Variants in UNCX observed in about 807,000 individuals in gnomAD.
UNCX encodes homeobox protein unc-4 homolog.
A neutral mutation model predicts 14.8 loss-of-function variants in UNCX; 4 were observed. The observed-to-expected ratio is 0.27, with a 90% CI of 0.13 to 0.62. The LOEUF is 0.62. Ranked by LOEUF, UNCX falls within the 20% of genes least tolerant of loss-of-function variation. The pLI, the probability that UNCX is intolerant of heterozygous loss-of-function variation, is 0.86. For missense variants in UNCX, 749 were observed against 786.8 expected (o/e 0.95, Z 0.58); for synonymous variants, 459 against 395.8 (o/e 1.16, Z -1.90).
At chr7:1,234,750 CA>C (rs35439452) in intron 2 of UNCX, among the ~76,000 whole-genome samples, 1,692 of 119,210 alleles carry the variant, frequency 0.014, 38 homozygotes, top group African/African-American at 0.047. Flanking sequence ...GAATTCGCAC[CA>C]AAAAAAAAAA....
In UNCX at chr7:1,233,418, C is replaced by A. The variant is rs576656207; in HGVS notation, c.275-102C>A. On this transcript the variant is annotated intron_variant, in intron 1 of 2. Coordinates refer to ENST00000316333, the MANE Select transcript of UNCX (RefSeq NM_001080461.3). The surrounding 1 kb of genome is among the most constrained non-coding windows in gnomAD (Gnocchi z 5.3). ...GCTCCTAGGCGGCCGTCTCTGCGCC[C>A]CCCCCCCCGGATCCAGGCGGCCAGC... The A allele has an allele frequency of 6.0e-4, 827 of 1,373,826 alleles. No homozygotes were observed. Among genetic ancestry groups the A allele is most frequent in the Non-Finnish European group, 7.1e-4 (756 of 1,066,280 alleles). 85.1% of individuals were successfully genotyped at this position (1,373,826 alleles called of 1,614,324 possible).
Position 1,236,032 on chromosome 7 carries a change from C to A in UNCX, c.651C>A (p.Arg217=), listed in dbSNP as rs772576678. The A allele has an allele frequency of 2.5e-6, 4 of 1,605,752 alleles. No homozygotes were observed. Among genetic ancestry groups the A allele is most frequent in the Non-Finnish European group, 3.4e-6 (4 of 1,177,232 alleles). The change falls in exon 3 of 3, where the codon CGC becomes CGA. Residue 217 remains arginine (R), a synonymous_variant. Coordinates refer to ENST00000316333, the MANE Select transcript of UNCX (RefSeq NM_001080461.3). The surrounding 1 kb of genome is among the most constrained non-coding windows in gnomAD (Gnocchi z 6.9). ...AGAAGCTGCTGAAGAGCCAGGGCCG[C>A]CACTTGCACTCGCCCGGCGGCCTGT... is the stretch of plus-strand genomic sequence containing the variant. ...HEKKLLKSQG[R]HLHSPGGLSL... is the part of the protein sequence containing the mutation.
rs1778690734 is a variant in UNCX at position 1,233,831 on chromosome 7, T to G, written c.450+136T>G. Reference sequence around the variant, plus strand: ...TTCGCGCTCGCCTGCTGGGGAAGAGTGGAGGGGTGGGGGTTCTGGGGCTCG... The same window carrying G: ...TTCGCGCTCGCCTGCTGGGGAAGAGGGGAGGGGTGGGGGTTCTGGGGCTCG... On this transcript the variant is annotated intron_variant, in intron 2 of 2. Transcript: ENST00000316333. This position sits in a 1 kb window ranked among gnomAD's most constrained non-coding sequence, Gnocchi z 5.3. The G allele has an allele frequency of 1.6e-5, 17 of 1,090,120 alleles. No individual in the cohort carries two copies. The highest frequency in any genetic ancestry group is 8.4e-5 in the African/African-American group (5 of 59,618). 67.5% of individuals were successfully genotyped at this position (1,090,120 alleles called of 1,614,324 possible).
Position 1,236,071 on chromosome 7 carries a change from G to T in UNCX, c.690G>T (p.Ala230=), listed in dbSNP as rs766167512. 58 of 1,579,218 alleles carry T rather than the reference G, an allele frequency of 3.7e-5. No homozygotes were observed. The highest frequency in any genetic ancestry group is 4.4e-5 in the Non-Finnish European group (51 of 1,163,924). ...CCGGCGGCCTGTCCCTGCACAGCGC[G>T]CCCAGCTCCGACAGCGACAGCGGCG... The part of the protein sequence containing the change: ...HSPGGLSLHS[A]PSSDSDSGGG... Residue 230 remains alanine, a synonymous_variant, in exon 3 of 3, where the codon GCG becomes GCT. Transcript: ENST00000316333. The surrounding 1 kb of genome is among the most constrained non-coding windows in gnomAD (Gnocchi z 6.9).
intron 2 of UNCX, among the ~76,000 whole-genome samples, chr7:1,235,436 G>GCT (rs1419664422): frequency 1.6e-3 from 237 of 152,392 alleles, no homozygotes; most frequent in African/African-American, 5.4e-3. Context: ...GCCAGGCCGG[G>GCT]CGGGCTGCTT....
chr7:1,233,481 C>T lies in UNCX; in HGVS notation c.275-39C>T, dbSNP rs747427469. 1.5e-5 allele frequency: 23 copies of T among 1,562,156 alleles called. No individual in the cohort carries two copies. The South Asian group carries it at 1.7e-4, about 12-fold the overall frequency. ...GGAGGGGTGGGGGTCGGGCCTGGGC[C>T]GGTGGCTGAGCCGCGCTGCGTCCTG... On this transcript the variant is annotated intron_variant, in intron 1 of 2. Transcript: ENST00000316333. This position sits in a 1 kb window ranked among gnomAD's most constrained non-coding sequence, Gnocchi z 5.3.
At position 1,232,982 on chromosome 7, in the gene UNCX, C is replaced by A. The variant is rs1447968991; in HGVS notation, c.-36C>A. 9.1e-7 allele frequency: 1 copy of A among 1,100,270 alleles called. No homozygotes were observed. Among genetic ancestry groups the A allele is most frequent in the Non-Finnish European group, 1.1e-6 (1 of 901,846 alleles). 68.2% of individuals were successfully genotyped at this position (1,100,270 alleles called of 1,614,324 possible). On this transcript the variant is annotated 5_prime_UTR_variant, in exon 1 of 3. Transcript: ENST00000316333. Reference sequence around the variant, plus strand: ...GCCCCGGCCCCGGCCCGCGCCCCCGCGCCCCGCCACCGGCCCCGCCGGCCC... The same window carrying A: ...GCCCCGGCCCCGGCCCGCGCCCCCGAGCCCCGCCACCGGCCCCGCCGGCCC...
In UNCX at chr7:1,233,468, G is replaced by T; in HGVS notation, c.275-52G>T. ...CGGGTAGCGGGAGGGAGGGGTGGGGGTCGGGCCTGGGCCGGTGGCTGAGCC... is the reference window on the plus strand; with the variant it reads ...CGGGTAGCGGGAGGGAGGGGTGGGGTTCGGGCCTGGGCCGGTGGCTGAGCC... On this transcript the variant is annotated intron_variant, in intron 1 of 2. Coordinates refer to ENST00000316333, the MANE Select transcript of UNCX (RefSeq NM_001080461.3). The surrounding 1 kb of genome is among the most constrained non-coding windows in gnomAD (Gnocchi z 5.3). The T allele has an allele frequency of 1.3e-6, 2 of 1,493,304 alleles. No homozygotes were observed. Among genetic ancestry groups the T allele is most frequent in the Non-Finnish European group, 1.8e-6 (2 of 1,124,478 alleles). The allele number at this position is 1,493,304 out of a possible 1,614,324, so 92.5% of individuals were successfully genotyped here.
In UNCX at chr7:1,233,221, G is replaced by C; in HGVS notation, c.204G>C (p.Val68=). The change falls in exon 1 of 3, where the codon GTG becomes GTC. Residue 68 remains valine (V), a synonymous_variant. Transcript: ENST00000316333. The surrounding 1 kb of genome is among the most constrained non-coding windows in gnomAD (Gnocchi z 5.3). ...LGGSCAAAAS[V]VNPTPLLPAA... ...GCTCGTGCGCCGCCGCCGCCTCGGT[G>C]GTCAACCCCACGCCGCTGCTGCCAG... 6.9e-7 allele frequency: 1 copy of C among 1,439,558 alleles called. No homozygotes were observed. The highest frequency in any genetic ancestry group is 9.1e-7 in the Non-Finnish European group (1 of 1,099,078). 89.2% of individuals were successfully genotyped at this position (1,439,558 alleles called of 1,614,324 possible).
In UNCX at chr7:1,233,845, T is replaced by C; in HGVS notation, c.450+150T>C. ...CTGGGGAAGAGTGGAGGGGTGGGGGTTCTGGGGCTCGGCCCCTCACGGACA... is the reference window on the plus strand; with the variant it reads ...CTGGGGAAGAGTGGAGGGGTGGGGGCTCTGGGGCTCGGCCCCTCACGGACA... On this transcript the variant is annotated intron_variant, in intron 2 of 2. Coordinates refer to ENST00000316333, the MANE Select transcript of UNCX (RefSeq NM_001080461.3). The surrounding 1 kb of genome is among the most constrained non-coding windows in gnomAD (Gnocchi z 5.3). 2 of 1,040,138 alleles carry C rather than the reference T, an allele frequency of 1.9e-6. No homozygotes were observed. The highest frequency in any genetic ancestry group is 1.8e-5 in the South Asian group (1 of 54,274). 64.4% of individuals were successfully genotyped at this position (1,040,138 alleles called of 1,614,324 possible).
chr7:1,236,047 C>G lies in UNCX; in HGVS notation c.666C>G (p.Pro222=). The stretch of plus-strand genomic sequence containing the variant: ...GCCAGGGCCGCCACTTGCACTCGCC[C>G]GGCGGCCTGTCCCTGCACAGCGCGC... ...LKSQGRHLHS[P]GGLSLHSAPS... Residue 222 remains proline, a synonymous_variant, in exon 3 of 3, where the codon CCC becomes CCG. Transcript: ENST00000316333. The surrounding 1 kb of genome is among the most constrained non-coding windows in gnomAD (Gnocchi z 6.9). 6.2e-7 allele frequency: 1 copy of G among 1,601,922 alleles called. No individual in the cohort carries two copies. Among genetic ancestry groups the G allele is most frequent in the Non-Finnish European group, 8.5e-7 (1 of 1,175,408 alleles).
chr7:1,233,336 C>G lies in UNCX; in HGVS notation c.274+45C>G. 7.9e-7 allele frequency: 1 copy of G among 1,270,962 alleles called. No homozygotes were observed. The highest frequency in any genetic ancestry group is 3.5e-5 in the East Asian group (1 of 28,734). The allele number at this position is 1,270,962 out of a possible 1,614,324, so 78.7% of individuals were successfully genotyped here. On this transcript the variant is annotated intron_variant, in intron 1 of 2. Transcript: ENST00000316333. The surrounding 1 kb of genome is among the most constrained non-coding windows in gnomAD (Gnocchi z 5.3). ...GGGCGGGGAGGAGTGCGGCTGGGGG[C>G]GGGGGCCCTGGTCCGGCCGAGGCGC...
Position 1,233,810 on chromosome 7 carries a change from C to T in UNCX, c.450+115C>T, listed in dbSNP as rs13307100. 1 of 1,305,176 alleles carries T rather than the reference C, an allele frequency of 7.7e-7. No homozygotes were observed. Among genetic ancestry groups the T allele is most frequent in the Non-Finnish European group, 1.0e-6 (1 of 976,794 alleles). The allele number at this position is 1,305,176 out of a possible 1,614,324, so 80.8% of individuals were successfully genotyped here. Reference sequence around the variant, plus strand: ...GTCCCCTTGCCGCGGGCCCGCTTCGCGCTCGCCTGCTGGGGAAGAGTGGAG... The same window carrying T: ...GTCCCCTTGCCGCGGGCCCGCTTCGTGCTCGCCTGCTGGGGAAGAGTGGAG... On this transcript the variant is annotated intron_variant, in intron 2 of 2. Coordinates refer to ENST00000316333, the MANE Select transcript of UNCX (RefSeq NM_001080461.3). The surrounding 1 kb of genome is among the most constrained non-coding windows in gnomAD (Gnocchi z 5.3).
chr7:1,233,133 A>C lies in UNCX; in HGVS notation c.116A>C (p.His39Pro). ...GHHHVYELAGHQLQSAAAAAS... is the reference protein window; with the variant it reads ...GHHHVYELAGPQLQSAAAAAS... The stretch of plus-strand genomic sequence containing the variant: ...CACCACGTGTACGAGCTGGCCGGGC[A>C]CCAGCTGCAGTCGGCCGCCGCCGCC... The change falls in exon 1 of 3, where the codon CAC (histidine) becomes CCC (proline). Residue 39 changes from histidine to proline, a missense_variant. Coordinates refer to ENST00000316333, the MANE Select transcript of UNCX (RefSeq NM_001080461.3). This position sits in a 1 kb window ranked among gnomAD's most constrained non-coding sequence, Gnocchi z 5.3. 1 of 1,463,602 alleles carries C rather than the reference A, an allele frequency of 6.8e-7. No homozygotes were observed. Among genetic ancestry groups the C allele is most frequent in the Middle Eastern group, 2.3e-4 (1 of 4,382 alleles). 90.7% of individuals were successfully genotyped at this position (1,463,602 alleles called of 1,614,324 possible).
chr7:1,237,051 A>G lies in UNCX; in HGVS notation c.*74A>G, dbSNP rs1778762613. The G allele has an allele frequency of 1.9e-6, 2 of 1,034,918 alleles. No individual in the cohort carries two copies. The highest frequency in any genetic ancestry group is 1.7e-5 in the African/African-American group (1 of 58,326). The allele number at this position is 1,034,918 out of a possible 1,614,324, so 64.1% of individuals were successfully genotyped here. A position where few individuals can be genotyped will look rare whatever the true frequency, so the allele number is the denominator to read the frequency against. ...CAGGCTCCGACTCACGCAACGAATC[A>G]GGTGATCGGCTCTAGAAACACTGCT... On this transcript the variant is annotated 3_prime_UTR_variant, in exon 3 of 3. Coordinates refer to ENST00000316333, the MANE Select transcript of UNCX (RefSeq NM_001080461.3). The surrounding 1 kb of genome is among the most constrained non-coding windows in gnomAD (Gnocchi z 5.8).
rs1465178504 is a variant in UNCX, at chr7:1,233,081, G to A, written c.64G>A (p.Val22Met). ...GTTCGGGGGCTCGCTGGGCGGCGTG[G>A]TGGGCTTCCCCTACCCGCTGGGCCA... ...AQFGGSLGGV[V>M]GFPYPLGHHH... is the part of the protein sequence containing the mutation. Residue 22 changes from valine to methionine, a missense_variant, in exon 1 of 3, where the codon GTG (valine) becomes ATG (methionine). Val to Met is a conservative substitution (Grantham distance 21). Transcript: ENST00000316333. This position sits in a 1 kb window ranked among gnomAD's most constrained non-coding sequence, Gnocchi z 5.3. The A allele has an allele frequency of 1.0e-5, 15 of 1,440,062 alleles. No individual in the cohort carries two copies. Among genetic ancestry groups the A allele is most frequent in the African/African-American group, 1.5e-5 (1 of 67,726 alleles). 89.2% of individuals were successfully genotyped at this position (1,440,062 alleles called of 1,614,324 possible). A position where few individuals can be genotyped will look rare whatever the true frequency, so the allele number is the denominator to read the frequency against.
Position 1,236,485 on chromosome 7 carries a change from G to C in UNCX, c.1104G>C (p.Ala368=), listed in dbSNP as rs760904336. 4 of 1,388,256 alleles carry C rather than the reference G, an allele frequency of 2.9e-6. No homozygotes were observed. In the East Asian group the frequency reaches 1.0e-4, roughly 36 times the overall value. 86.0% of individuals were successfully genotyped at this position (1,388,256 alleles called of 1,614,324 possible). ...GLDFAPGLPC[A]PRTLIGKGHF... ...ACTTCGCGCCCGGGCTGCCGTGCGC[G>C]CCGCGGACCCTGATCGGCAAGGGCC... Residue 368 remains alanine (A), a synonymous_variant, in exon 3 of 3, where the codon GCG becomes GCC. Coordinates refer to ENST00000316333, the MANE Select transcript of UNCX (RefSeq NM_001080461.3). The surrounding 1 kb of genome is among the most constrained non-coding windows in gnomAD (Gnocchi z 6.9).
chr7:1,233,715 C>T lies in UNCX; in HGVS notation c.450+20C>T. On this transcript the variant is annotated intron_variant, in intron 2 of 2. Coordinates refer to ENST00000316333, the MANE Select transcript of UNCX (RefSeq NM_001080461.3). This position sits in a 1 kb window ranked among gnomAD's most constrained non-coding sequence, Gnocchi z 5.3. ...GTTCAGGTAAAGACCCGGCGTCGCTCCCGGATCTGCCATCCGGACCCCAGG... is the reference window on the plus strand; with the variant it reads ...GTTCAGGTAAAGACCCGGCGTCGCTTCCGGATCTGCCATCCGGACCCCAGG... 1 of 1,578,488 alleles carries T rather than the reference C, an allele frequency of 6.3e-7. No homozygotes were observed. Among genetic ancestry groups the T allele is most frequent in the South Asian group, 1.1e-5 (1 of 88,558 alleles).
Position 1,232,938 on chromosome 7 carries a change from C to A in UNCX, c.-80C>A, listed in dbSNP as rs1778668534. 2.8e-6 allele frequency: 2 copies of A among 702,850 alleles called. No homozygotes were observed. Among genetic ancestry groups the A allele is most frequent in the Non-Finnish European group, 3.5e-6 (2 of 576,648 alleles). The allele number at this position is 702,850 out of a possible 1,614,324, so 43.5% of individuals were successfully genotyped here. The stretch of plus-strand genomic sequence containing the variant: ...TCCCTGTCTCCGCCGCCGCCGCCCG[C>A]GCCTCCCGCCGCTGGCCCGCCCCGG... On this transcript the variant is annotated 5_prime_UTR_variant, in exon 1 of 3. Transcript: ENST00000316333.
Sources: gnomAD v4.1 joint callset for allele counts (sites outside exome capture counted in the v4.1 genomes callset) on GRCh38, gnomAD v4.1.1 for gene constraint, Gnocchi (gnomAD v3.1) non-coding constraint, MANE v1.5 for transcripts, NCBI Gene and HGNC (gene_info 2026-07-23, HGNC 2026-07-21) for gene names.